The following DNAH17 variants were observed in gnomAD, a reference collection of about 807,000 sequenced individuals.
DNAH17 encodes dynein axonemal heavy chain 17.
Under a neutral mutation model 485.6 loss-of-function variants are expected in DNAH17, and 376 were observed. The ratio of observed to expected loss-of-function variants is 0.77; its 90% CI spans 0.71 to 0.84. The LOEUF (loss-of-function observed/expected upper bound fraction) is 0.84. Among genes scored for constraint, DNAH17 ranks in the 40% least tolerant of loss-of-function variants. DNAH17 has a pLI of 0.00. For synonymous variants in DNAH17, 3,031 were observed against 2,405.9 expected (o/e 1.26, Z -7.60); for missense variants, 6,370 against 5,839.3 (o/e 1.09, Z -2.96).
At chr17:78,520,190 T>C (rs896493322) in intron 25 of DNAH17, among the ~76,000 whole-genome samples, 2 of 152,018 alleles carry the variant, frequency 1.3e-5, no homozygotes, top group South Asian at 2.1e-4. Context: ...ACAAAAAAAT[T>C]TGACAAGATC....
rs1382691079 is a variant in DNAH17, at chr17:78,553,306, T to G, written c.2179-501A>C. ...GTGTTTTTTTTTTTTTTTTTTTTTT[T>G]TTTTTTTTTTTTTAAGATGGAGTCT... On this transcript the variant is annotated intron_variant, in intron 14 of 80. Transcript: ENST00000389840. Among the ~76,000 whole-genome samples, 11 of 73,672 alleles carry G rather than the reference T, an allele frequency of 1.5e-4. 1 individual carries two copies. Among genetic ancestry groups the G allele is most frequent in the African/African-American group, 5.8e-4 (11 of 19,056 alleles). 48.3% of individuals were successfully genotyped at this position (73,672 alleles called of 152,430 possible).
intron 65 of DNAH17, 139 bp from the exon 66 acceptor site, chr17:78,451,812 G>A (rs560782118): frequency 5.3e-5 from 36 of 672,902 alleles, no homozygotes; most frequent in Non-Finnish European, 8.2e-5. Context: ...GAAGAGCACT[G>A]CACCTCTCCT....
At chr17:78,472,508 G>A (rs1031225012) in intron 54 of DNAH17, among the ~76,000 whole-genome samples, 10 of 152,082 alleles carry the variant, frequency 6.6e-5, no homozygotes, top group African/African-American at 9.7e-5. Flanking sequence ...CTGAGACCAC[G>A]GCCCCTCATT....
At position 78,494,734 on chromosome 17, in the gene DNAH17, C is replaced by A. The variant is rs774560250; in HGVS notation, c.6129G>T (p.Glu2043Asp). 6.2e-7 allele frequency: 1 copy of A among 1,613,806 alleles called. No homozygotes were observed. The highest frequency in any genetic ancestry group is 8.5e-7 in the Non-Finnish European group (1 of 1,179,888). ...TCAGCGCCCGCATGAGCACCTGGTC[C>A]TCTGCCCGGCTGGGGTCGCCCCTCT... The part of the protein sequence containing the change: ...SLKRGDPSRA[E>D]DQVLMRALRD... The change falls in exon 40 of 81, where the codon GAG becomes GAT. Residue 2043 changes from glutamate (E) to aspartate (D), a missense_variant. Transcript: ENST00000389840.
At chr17:78,471,860 T>A (rs2088767644) in intron 54 of DNAH17, among the ~76,000 whole-genome samples, 1 of 152,124 alleles carries the variant, frequency 6.6e-6, no homozygotes, top group Non-Finnish European at 1.5e-5. Context: ...TCTACCCGCA[T>A]CCTATCCCTG....
intron 16 of DNAH17, among the ~76,000 whole-genome samples, chr17:78,548,931 G>A (rs1207371232): frequency 6.6e-6 from 1 of 152,230 alleles, no homozygotes; most frequent in Non-Finnish European, 1.5e-5. Context: ...CAAGCCCCTT[G>A]GCTTTCAGCC....
chr17:78,487,529 C>A (rs1436756093), intron 44 of DNAH17, among the ~76,000 whole-genome samples: 1 of 151,956 alleles, frequency 6.6e-6, no homozygotes, highest in African/African-American at 2.4e-5. Context: ...CCTCTTTAGA[C>A]AGAGACTCAT....
intron 68 of DNAH17, 178 bp from the exon 69 acceptor site, chr17:78,449,762 C>A: frequency 1.6e-6 from 1 of 608,890 alleles, no homozygotes; most frequent in South Asian, 2.0e-5. Context: ...ACTGCACCCT[C>A]TGCAGTGAGG....
chr17:78,430,653 T>G (rs984681303), intron 75 of DNAH17, among the ~76,000 whole-genome samples: 4 of 152,112 alleles, frequency 2.6e-5, no homozygotes, highest in Non-Finnish European at 5.9e-5. Context: ...CAGTCTCTGC[T>G]CACTGAAACT....
At chr17:78,432,552 C>T (rs975064826) in intron 75 of DNAH17, among the ~76,000 whole-genome samples, 7 of 152,212 alleles carry the variant, frequency 4.6e-5, no homozygotes, top group Non-Finnish European at 7.4e-5. Flanking sequence ...GCCCAGCCTT[C>T]GCCAGCAGCG....
chr17:78,423,784 T>A lies in DNAH17; in HGVS notation c.*122A>T, dbSNP rs919056185. 77 of 1,316,350 alleles carry A rather than the reference T, an allele frequency of 5.8e-5. No homozygotes were observed. Among genetic ancestry groups the A allele is most frequent in the Non-Finnish European group, 7.5e-5 (71 of 951,412 alleles). 81.5% of individuals were successfully genotyped at this position (1,316,350 alleles called of 1,614,324 possible). On this transcript the variant is annotated 3_prime_UTR_variant, in exon 81 of 81. Transcript: ENST00000389840. ...CCGATGTGCTTGGTTACAAAGCACC[T>A]GATTATTTAAGAGAACGAAAAACCA... is the stretch of plus-strand genomic sequence containing the variant.
Position 78,574,987 on chromosome 17 carries a change from G to T in DNAH17, c.71C>A (p.Pro24Gln), listed in dbSNP as rs199829915. The T allele has an allele frequency of 8.1e-6, 13 of 1,613,834 alleles. No individual in the cohort carries two copies. Among genetic ancestry groups the T allele is most frequent in the Non-Finnish European group, 1.1e-5 (13 of 1,179,890 alleles). Residue 24 changes from proline to glutamine, a missense_variant, in exon 2 of 81, where the codon CCG becomes CAG. By Grantham distance (76) the Pro-to-Gln change is moderately conservative. Transcript: ENST00000389840. Reference protein sequence around the residue: ...EVASIVLKFKPDKWSKLIGAE... With the variant: ...EVASIVLKFKQDKWSKLIGAE... The stretch of plus-strand genomic sequence containing the variant: ...GCCTATCAGCTTGCTCCACTTGTCC[G>T]GCTTGAACTTCAGGACGATGGAGGC...
Position 78,434,009 on chromosome 17 carries a change from G to A in DNAH17, c.12225+20C>T, listed in dbSNP as rs889868102. ...AGAGGGAGGGATATGTCCAAGTACAGGGCACACACAGCCCCTCACCTTGGG... is the reference window on the plus strand; with the variant it reads ...AGAGGGAGGGATATGTCCAAGTACAAGGCACACACAGCCCCTCACCTTGGG... On this transcript the variant is annotated intron_variant, in intron 75 of 80. Coordinates refer to ENST00000389840, the MANE Select transcript of DNAH17 (RefSeq NM_173628.4). 3 of 1,591,470 alleles carry A rather than the reference G, an allele frequency of 1.9e-6. No individual in the cohort carries two copies. Among genetic ancestry groups the A allele is most frequent in the Admixed American group, 1.7e-5 (1 of 58,964 alleles).
intron 37 of DNAH17, among the ~76,000 whole-genome samples, chr17:78,497,998 C>T (rs112092688): frequency 0.015 from 2,322 of 152,056 alleles, 62 homozygotes; most frequent in African/African-American, 0.053. Context: ...CAAAATTAGC[C>T]GGGCGTGGTG....
intron 11 of DNAH17, among the ~76,000 whole-genome samples, 172 bp downstream of exon 11, chr17:78,566,442 T>C (rs1318009531): frequency 6.6e-6 from 1 of 152,184 alleles, no homozygotes; most frequent in Non-Finnish European, 1.5e-5. Flanking sequence ...CATCAGGAGC[T>C]ACACTGGGTG....
At chr17:78,569,074 T>TG (rs1481138001) in intron 9 of DNAH17, 92 bp downstream of exon 9, 2 of 1,002,732 alleles carry the variant, frequency 2.0e-6, no homozygotes, top group African/African-American at 3.3e-5. Context: ...GGGGGATTAT[T>TG]GGCAAGGGGG....
At chr17:78,523,552 A>G (rs576880220) in intron 25 of DNAH17, among the ~76,000 whole-genome samples, 4 of 152,382 alleles carry the variant, frequency 2.6e-5, no homozygotes, top group Non-Finnish European at 5.9e-5. Context: ...AAAAAAGTCA[A>G]CTAGAAAATG....
Position 78,551,630 on chromosome 17 carries a change from G to C in DNAH17, c.2296C>G (p.Gln766Glu). Residue 766 changes from glutamine (Q) to glutamate (E), a missense_variant, in exon 16 of 81, where the codon CAG (glutamine) becomes GAG (glutamate). By Grantham distance (29) the Gln-to-Glu change is conservative. Coordinates refer to ENST00000389840, the MANE Select transcript of DNAH17 (RefSeq NM_173628.4). ...ATTTCTCGCACCTCTTGAATGTACTGAAACACACCTAAAATGGAAATGTAG... is the reference window on the plus strand; with the variant it reads ...ATTTCTCGCACCTCTTGAATGTACTCAAACACACCTAAAATGGAAATGTAG... Reference protein sequence around the residue: ...TLFWNGEGVFQYIQEVREILH... With the variant: ...TLFWNGEGVFEYIQEVREILH... 6.2e-7 allele frequency: 1 copy of C among 1,613,826 alleles called. No individual in the cohort carries two copies. Among genetic ancestry groups the C allele is most frequent in the Non-Finnish European group, 8.5e-7 (1 of 1,179,794 alleles).
intron 54 of DNAH17, among the ~76,000 whole-genome samples, chr17:78,471,612 C>T (rs751866713): frequency 6.6e-6 from 1 of 152,188 alleles, no homozygotes; most frequent in African/African-American, 2.4e-5. Flanking sequence ...ATTGCAGCCT[C>T]GACCTCCTGG....
Sources: gnomAD v4.1 joint callset for allele counts (sites outside exome capture counted in the v4.1 genomes callset) on GRCh38, gnomAD v4.1.1 for gene constraint, MANE v1.5 for transcripts, NCBI Gene and HGNC (gene_info 2026-07-23, HGNC 2026-07-21) for gene names.